The following THRAP3 variants were observed in gnomAD, a reference collection of about 807,000 sequenced individuals.
The protein encoded by THRAP3 is thyroid hormone receptor associated protein 3.
THRAP3 carries 16 observed loss-of-function variants against 101.0 expected under a neutral mutation model. The observed-to-expected ratio is 0.16, with a 90% CI of 0.11 to 0.24. The LOEUF is 0.24. Among genes scored for constraint, THRAP3 ranks in the 10% least tolerant of loss-of-function variants. The pLI is 1.00. For missense variants in THRAP3, 989 were observed against 1,202.7 expected, an observed-to-expected ratio of 0.82 and a Z score of 2.63; for synonymous variants, 407 against 422.6, an observed-to-expected ratio of 0.96 and a Z score of 0.45.
intron 5 of THRAP3, 110 bp downstream of exon 5, chr1:36,289,874 A>G: frequency 7.1e-7 from 1 of 1,409,024 alleles, no homozygotes; most frequent in South Asian, 1.5e-5. Flanking sequence ...CTTAAGCTTC[A>G]GTGGTGATAC....
the THRAP3 span, among the ~76,000 whole-genome samples, chr1:36,209,849 C>T: frequency 1.3e-5 from 2 of 152,144 alleles, no homozygotes; most frequent in Non-Finnish European, 2.9e-5. Flanking sequence ...ACATTCACTG[C>T]CACCCCAAAG....
In THRAP3 at chr1:36,289,587, T is replaced by C; in HGVS notation, c.1568T>C (p.Val523Ala). 6.2e-7 allele frequency: 1 copy of C among 1,614,012 alleles called. No homozygotes were observed. The change falls in exon 5 of 12, where the codon GTG becomes GCG. Residue 523 changes from valine (V) to alanine (A), a missense_variant. Coordinates refer to ENST00000354618, the MANE Select transcript of THRAP3 (RefSeq NM_005119.4). ...TTTGTGCCTGAGAAGAATTTCCGAG[T>C]GACTGCTTATAAAGCAGTCCAGGAG... The part of the protein sequence containing the change: ...RGFVPEKNFR[V>A]TAYKAVQEKS...
rs1486987618 is a variant in THRAP3 at position 36,282,575 on chromosome 1, A to C, written c.12A>C (p.Thr4=). The C allele has an allele frequency of 6.2e-7, 1 of 1,614,108 alleles. No individual in the cohort carries two copies. MSK[T]NKSKSGSRSS... is the part of the protein sequence containing the mutation. ...TCCTCTCTTCAGAGATGTCAAAAACAAACAAATCCAAGTCTGGATCTCGCT... is the reference window on the plus strand; with the variant it reads ...TCCTCTCTTCAGAGATGTCAAAAACCAACAAATCCAAGTCTGGATCTCGCT... Residue 4 remains threonine, a synonymous_variant, in exon 3 of 12, where the codon ACA becomes ACC. Transcript: ENST00000354618.
intron 2 of THRAP3, among the ~76,000 whole-genome samples, chr1:36,280,188 A>G (rs940923161): frequency 1.3e-5 from 2 of 152,214 alleles, no homozygotes; most frequent in East Asian, 1.9e-4. Flanking sequence ...CAAGTTAATT[A>G]CTTTCTCTAT....
At chr1:36,232,556 G>A (rs1193349012) in intron 1 of THRAP3, among the ~76,000 whole-genome samples, 1 of 152,126 alleles carries the variant, frequency 6.6e-6, no homozygotes, top group East Asian at 1.9e-4. Flanking sequence ...AGAGTAAGAG[G>A]GATTTGTTTT....
chr1:36,286,268 T>G lies in THRAP3; in HGVS notation c.138-100T>G, dbSNP rs1645794788. 3 of 1,248,738 alleles carry G rather than the reference T, an allele frequency of 2.4e-6. No homozygotes were observed. Among genetic ancestry groups the G allele is most frequent in the Non-Finnish European group, 3.3e-6 (3 of 897,358 alleles). The allele number at this position is 1,248,738 out of a possible 1,614,324, so 77.4% of individuals were successfully genotyped here. On this transcript the variant is annotated intron_variant, in intron 3 of 11. Transcript: ENST00000354618. The surrounding 1 kb of genome is among the most constrained non-coding windows in gnomAD (Gnocchi z 5.5). ...CTTGCTTTGAAAACAAAACTGAAAGTGAATGACACATAAGGGCAGGGATTT... is the reference window on the plus strand; with the variant it reads ...CTTGCTTTGAAAACAAAACTGAAAGGGAATGACACATAAGGGCAGGGATTT...
In THRAP3 at chr1:36,287,860, C is replaced by T. The variant is rs1054228879; in HGVS notation, c.1040+590C>T. On this transcript the variant is annotated intron_variant, in intron 4 of 11. Transcript: ENST00000354618. ...ATGACAGTGCTTCCGTCTTTCTCCC[C>T]TGGGGGACACGGTGAGTTGGAACAT... is the stretch of plus-strand genomic sequence containing the variant. 36 of 985,452 alleles carry T rather than the reference C, an allele frequency of 3.7e-5. No individual in the cohort carries two copies. In the African/African-American group the frequency reaches 4.7e-4, roughly 13 times the overall value. 61.0% of individuals were successfully genotyped at this position (985,452 alleles called of 1,614,324 possible). A position where few individuals can be genotyped will look rare whatever the true frequency, so the allele number is the denominator to read the frequency against.
chr1:36,212,280 C>T, the THRAP3 span, among the ~76,000 whole-genome samples: 3 of 152,134 alleles, frequency 2.0e-5, no homozygotes, highest in Admixed American at 1.3e-4. Flanking sequence ...AATGCTCATT[C>T]CATCTGCTAT....
intron 2 of THRAP3, among the ~76,000 whole-genome samples, chr1:36,278,877 C>G (rs1050915121): frequency 6.6e-6 from 1 of 151,766 alleles, no homozygotes; most frequent in African/African-American, 2.4e-5. Context: ...GAGCTGAGAT[C>G]ATGCCATTGC....
chr1:36,224,420 A>T (rs372779044), upstream of THRAP3: 3 of 152,788 alleles, frequency 2.0e-5, no homozygotes, highest in Non-Finnish European at 2.9e-5. Context: ...GAGAGCGGAG[A>T]CGCTGGGCGC....
intron 2 of THRAP3, among the ~76,000 whole-genome samples, chr1:36,266,733 A>G (rs1489868271): frequency 6.6e-6 from 1 of 152,182 alleles, no homozygotes; most frequent in Admixed American, 6.5e-5. Flanking sequence ...ATTGTCTCAG[A>G]TGCAAGTGAT....
intron 1 of THRAP3, among the ~76,000 whole-genome samples, chr1:36,241,385 G>GTATATATATATATATA (rs1166260923): frequency 1.2e-4 from 1 of 8,650 alleles, no homozygotes; most frequent in African/African-American, 1.5e-4. Context: ...GATAATGGGT[G>GTATATATATATATATA]TATATATATA....
chr1:36,227,268 T>C (rs1644972661), intron 1 of THRAP3, among the ~76,000 whole-genome samples: 1 of 152,112 alleles, frequency 6.6e-6, no homozygotes, highest in Non-Finnish European at 1.5e-5. Context: ...GACACATACA[T>C]ATATAACATT....
In THRAP3 at chr1:36,261,328, C is replaced by G. The variant is rs552283139; in HGVS notation, c.-32+1844C>G. 2.9e-3 allele frequency among the ~76,000 whole-genome samples: 447 copies of G among 152,142 alleles called. 2 individuals are homozygous for G. The highest frequency in any genetic ancestry group is 0.01 in the African/African-American group (433 of 41,510). On this transcript the variant is annotated intron_variant, in intron 2 of 11. Coordinates refer to ENST00000354618, the MANE Select transcript of THRAP3 (RefSeq NM_005119.4). Reference sequence around the variant, plus strand: ...CGGGCAGATCACGAGGTCAGGAGATCGAGACCATCCTGGCTAACACGGTGA... The same window carrying G: ...CGGGCAGATCACGAGGTCAGGAGATGGAGACCATCCTGGCTAACACGGTGA...
At chr1:36,248,813 A>T (rs1645262709) in intron 1 of THRAP3, among the ~76,000 whole-genome samples, 1 of 152,076 alleles carries the variant, frequency 6.6e-6, no homozygotes, top group Admixed American at 6.6e-5. Flanking sequence ...AGCAAACATG[A>T]TGAAATCTAC....
chr1:36,263,866 C>T (rs906128088), intron 2 of THRAP3, among the ~76,000 whole-genome samples: 1 of 152,184 alleles, frequency 6.6e-6, no homozygotes, highest in Non-Finnish European at 1.5e-5. Context: ...CTGCTAACAT[C>T]CAGCATCGAA....
intron 1 of THRAP3, among the ~76,000 whole-genome samples, chr1:36,227,942 C>T (rs1185586416): frequency 6.6e-6 from 1 of 152,052 alleles, no homozygotes; most frequent in Non-Finnish European, 1.5e-5. Flanking sequence ...GTGGTGCGAT[C>T]TCGGCTCACT....
At chr1:36,287,447 C>CT in intron 4 of THRAP3, 177 bp downstream of exon 4, 1 of 985,010 alleles carries the variant, frequency 1.0e-6, no homozygotes, top group Non-Finnish European at 1.2e-6. Flanking sequence ...TTAACTCTAG[C>CT]TTTCCTACCT....
intron 2 of THRAP3, among the ~76,000 whole-genome samples, chr1:36,267,238 A>T (rs1645527029): frequency 6.6e-6 from 1 of 152,162 alleles, no homozygotes; most frequent in Non-Finnish European, 1.5e-5. Context: ...GTCACAGTGT[A>T]TGTGTATGTG....
Sources: gnomAD v4.1 joint callset for allele counts (sites outside exome capture counted in the v4.1 genomes callset) on GRCh38, gnomAD v4.1.1 for gene constraint, Gnocchi (gnomAD v3.1) non-coding constraint, MANE v1.5 for transcripts, NCBI Gene and HGNC (gene_info 2026-07-23, HGNC 2026-07-21) for gene names.